KLHL29: variants seen among roughly 807,000 people sequenced by gnomAD.
The protein encoded by KLHL29 is kelch like family member 29.
A neutral mutation model predicts 80.4 loss-of-function variants in KLHL29; 21 were observed. The ratio of observed to expected loss-of-function variants is 0.26; its 90% CI spans 0.19 to 0.38. The LOEUF (loss-of-function observed/expected upper bound fraction) is 0.38, where lower values mean the gene tolerates loss of function less well. KLHL29 is among the 10% of genes least tolerant of loss of function. KLHL29 has a pLI of 1.00. For missense variants in KLHL29, 867 were observed against 1,223.9 expected (o/e 0.71, Z 4.35); for synonymous variants, 511 against 526.8 (o/e 0.97, Z 0.41).
chr2:23,586,212 A>G (rs1334883909), intron 3 of KLHL29, among the ~76,000 whole-genome samples: 1 of 152,306 alleles, frequency 6.6e-6, no homozygotes, highest in South Asian at 2.1e-4. Context: ...TTGCCATTTT[A>G]AAGTGTACAA....
intron 3 of KLHL29, among the ~76,000 whole-genome samples, chr2:23,614,016 A>AC (rs1668939872): frequency 2.0e-5 from 3 of 152,160 alleles, no homozygotes; most frequent in Non-Finnish European, 4.4e-5. Context: ...CCTTGTGGAC[A>AC]AAGGACAGAT....
intron 5 of KLHL29, chr2:23,643,102 G>A: frequency 1.6e-6 from 1 of 636,960 alleles, no homozygotes; most frequent in South Asian, 1.7e-5. Flanking sequence ...GGAAGGGAGA[G>A]CCTGCAAAGC....
intron 5 of KLHL29, among the ~76,000 whole-genome samples, chr2:23,661,122 C>G (rs1670394299): frequency 6.6e-6 from 1 of 152,186 alleles, no homozygotes; most frequent in African/African-American, 2.4e-5. Flanking sequence ...GGGAGGATCA[C>G]TTGAAGCCAG....
At chr2:23,605,735 A>T (rs978018122) in intron 3 of KLHL29, among the ~76,000 whole-genome samples, 2 of 151,852 alleles carry the variant, frequency 1.3e-5, no homozygotes, top group African/African-American at 2.4e-5. Flanking sequence ...TGCTTAGCAC[A>T]CGTGAAATCC....
At chr2:23,687,701 T>A (rs1671330694) in intron 6 of KLHL29, among the ~76,000 whole-genome samples, 1 of 152,106 alleles carries the variant, frequency 6.6e-6, no homozygotes, top group Non-Finnish European at 1.5e-5. Flanking sequence ...ATGTGGGTTA[T>A]GAAGAATGGG....
intron 1 of KLHL29, among the ~76,000 whole-genome samples, chr2:23,430,538 C>T (rs1349232295): frequency 6.6e-6 from 1 of 152,234 alleles, no homozygotes; most frequent in African/African-American, 2.4e-5. Context: ...CTGAGAAGGA[C>T]TCTCTGGGCC....
chr2:23,424,193 A>G (rs1572501853), intron 1 of KLHL29, among the ~76,000 whole-genome samples: 1 of 152,342 alleles, frequency 6.6e-6, no homozygotes, highest in East Asian at 1.9e-4. Flanking sequence ...AATGCATCAG[A>G]TTTAAATTAC....
chr2:23,625,871 A>G (rs1036917701), intron 3 of KLHL29, among the ~76,000 whole-genome samples: 8 of 152,210 alleles, frequency 5.3e-5, no homozygotes, highest in Non-Finnish European at 8.8e-5. Flanking sequence ...AACAAGAGAC[A>G]CCAGAGCTCA....
chr2:23,476,511 G>A (rs994093933), intron 2 of KLHL29, among the ~76,000 whole-genome samples: 1 of 152,028 alleles, frequency 6.6e-6, no homozygotes, highest in African/African-American at 2.4e-5. Flanking sequence ...TGTTCGGGGG[G>A]CATGTTATTT....
chr2:23,592,433 C>T (rs1668291426), intron 3 of KLHL29, among the ~76,000 whole-genome samples: 1 of 152,226 alleles, frequency 6.6e-6, no homozygotes, highest in South Asian at 2.1e-4. Flanking sequence ...GGGGCAGCTG[C>T]TCGGGAACAT....
At chr2:23,649,689 G>A (rs1270411985) in intron 5 of KLHL29, among the ~76,000 whole-genome samples, 1 of 152,238 alleles carries the variant, frequency 6.6e-6, no homozygotes, top group Non-Finnish European at 1.5e-5. Context: ...TCTGGCCCCA[G>A]TTGTCTGACA....
intron 3 of KLHL29, among the ~76,000 whole-genome samples, chr2:23,571,040 C>T (rs1667704635): frequency 6.6e-6 from 1 of 152,256 alleles, no homozygotes; most frequent in Admixed American, 6.5e-5. Flanking sequence ...CTGTGATTAT[C>T]TTTGCAGTTC....
At chr2:23,659,776 C>A (rs1223290257) in intron 5 of KLHL29, among the ~76,000 whole-genome samples, 2 of 152,052 alleles carry the variant, frequency 1.3e-5, no homozygotes, top group Non-Finnish European at 2.9e-5. Flanking sequence ...TGCAGCCAGG[C>A]CCTCCTCCAG....
chr2:23,446,031 T>C (rs1285999276), intron 1 of KLHL29, among the ~76,000 whole-genome samples: 1 of 152,212 alleles, frequency 6.6e-6, no homozygotes, highest in African/African-American at 2.4e-5. Flanking sequence ...TTTTCATTTT[T>C]TAACTTATAT....
chr2:23,419,188 T>A (rs529186913), intron 1 of KLHL29, among the ~76,000 whole-genome samples: 2 of 152,328 alleles, frequency 1.3e-5, no homozygotes, highest in East Asian at 3.9e-4. Flanking sequence ...AAGAAGAGCT[T>A]CCATAAGGTC....
chr2:23,554,501 G>A (rs1667233483), intron 2 of KLHL29, among the ~76,000 whole-genome samples: 1 of 152,128 alleles, frequency 6.6e-6, no homozygotes, highest in South Asian at 2.1e-4. Flanking sequence ...CACTCCTTCG[G>A]CGTGTCTTAA....
chr2:23,406,327 C>CAAAAA (rs776095410), intron 1 of KLHL29, among the ~76,000 whole-genome samples: 5 of 45,464 alleles, frequency 1.1e-4, no homozygotes, highest in East Asian at 8.3e-4. Flanking sequence ...GACTCCATCT[C>CAAAAA]AAAAAAAAAA....
At chr2:23,692,348 G>C (rs374247911) in intron 7 of KLHL29, among the ~76,000 whole-genome samples, 158 of 152,382 alleles carry the variant, frequency 1.0e-3, no homozygotes, top group African/African-American at 3.6e-3. Context: ...TGCTGCCCAG[G>C]ATGGGGACTG....
Position 23,684,611 on chromosome 2 carries a change from C to G in KLHL29, c.1079+74C>G. On this transcript the variant is annotated intron_variant, in intron 6 of 13. Transcript: ENST00000486442. The surrounding 1 kb of genome is among the most constrained non-coding windows in gnomAD (Gnocchi z 4.4). ...TTTTGTGTCGCTTTTCTCTTCCCCTCTCTTGCAGGTTCCTGAAGCGTGACT... is the reference window on the plus strand; with the variant it reads ...TTTTGTGTCGCTTTTCTCTTCCCCTGTCTTGCAGGTTCCTGAAGCGTGACT... 7.4e-7 allele frequency: 1 copy of G among 1,355,488 alleles called. No homozygotes were observed. The highest frequency in any genetic ancestry group is 9.9e-7 in the Non-Finnish European group (1 of 1,012,362). 84.0% of individuals were successfully genotyped at this position (1,355,488 alleles called of 1,614,324 possible).
Sources: allele counts gnomAD v4.1 joint callset (sites outside exome capture counted in the v4.1 genomes callset), GRCh38; gene constraint gnomAD v4.1.1; non-coding constraint Gnocchi (gnomAD v3.1); transcripts MANE v1.5; gene names NCBI Gene and HGNC (gene_info 2026-07-23, HGNC 2026-07-21).